Variants in RHOBTB1 observed in about 807,000 individuals in gnomAD.
RHOBTB1 encodes Rho related BTB domain containing 1.
Under a neutral mutation model 71.6 loss-of-function variants are expected in RHOBTB1, and 40 were observed. The observed-to-expected ratio is 0.56, with a 90% CI of 0.43 to 0.73. RHOBTB1 has a LOEUF of 0.73. Among genes scored for constraint, RHOBTB1 ranks in the 30% least tolerant of loss-of-function variants. The pLI, the probability that RHOBTB1 is intolerant of heterozygous loss-of-function variation, is 0.00. For synonymous variants in RHOBTB1, 319 were observed against 334.9 expected, an observed-to-expected ratio of 0.95 and a Z score of 0.52; for missense variants, 797 against 894.0, an observed-to-expected ratio of 0.89 and a Z score of 1.38.
intron 2 of RHOBTB1, among the ~76,000 whole-genome samples, chr10:60,920,954 TG>T (rs1300175832): frequency 1.5e-4 from 16 of 109,644 alleles, no homozygotes; most frequent in East Asian, 1.3e-3. Context: ...GTTTTTTTTT[TG>T]TTTTTTTTTT....
chr10:60,925,470 A>G (rs1472849375), intron 2 of RHOBTB1, among the ~76,000 whole-genome samples: 2 of 152,190 alleles, frequency 1.3e-5, no homozygotes, highest in Non-Finnish European at 2.9e-5. Context: ...AAATGCCTAT[A>G]TCGAAAAAGT....
chr10:60,894,040 T>A (rs1418435303), intron 4 of RHOBTB1, among the ~76,000 whole-genome samples: 1 of 152,220 alleles, frequency 6.6e-6, no homozygotes, highest in Non-Finnish European at 1.5e-5. Flanking sequence ...GTTAATTTAT[T>A]GCCATTGCCT....
chr10:60,991,373 C>T (rs375572903), intron 1 of RHOBTB1, among the ~76,000 whole-genome samples: 4 of 151,832 alleles, frequency 2.6e-5, no homozygotes, highest in African/African-American at 2.4e-5. Context: ...ATGACATCCC[C>T]AGACTTAAGC....
chr10:60,917,125 GCTA>G (rs1209210454), intron 2 of RHOBTB1, among the ~76,000 whole-genome samples: 5 of 152,190 alleles, frequency 3.3e-5, no homozygotes, highest in Non-Finnish European at 7.4e-5. Context: ...TTTGTTTTAT[GCTA>G]CTAAGTTTTG....
chr10:60,972,784 G>A (rs940282388), intron 2 of RHOBTB1, among the ~76,000 whole-genome samples: 2 of 152,012 alleles, frequency 1.3e-5, no homozygotes, highest in African/African-American at 2.4e-5. Flanking sequence ...GGATTAAATG[G>A]CAAGCTCAAG....
In RHOBTB1 at chr10:60,872,249, G is replaced by A. The variant is rs1462415528; in HGVS notation, c.1857C>T (p.His619=). The A allele has an allele frequency of 6.2e-7, 1 of 1,614,130 alleles. No homozygotes were observed. The highest frequency in any genetic ancestry group is 1.1e-5 in the South Asian group (1 of 91,080). ...AHQLAAWCLH[H]ICTNYNSVCS... ...ATACACTGTTGTAGTTGGTGCAGAT[G>A]TGGTGCAAACACCAGGCGGCCAACT... The change falls in exon 10 of 11, where the codon CAC becomes CAT. Residue 619 remains histidine, a synonymous_variant. Coordinates refer to ENST00000337910, the MANE Select transcript of RHOBTB1 (RefSeq NM_014836.5).
At chr10:60,916,667 A>G (rs1210096687) in intron 2 of RHOBTB1, among the ~76,000 whole-genome samples, 1 of 152,120 alleles carries the variant, frequency 6.6e-6, no homozygotes, top group African/African-American at 2.4e-5. Flanking sequence ...AGTCGCCCTC[A>G]ATTTCTTGCA....
At chr10:60,925,231 C>A (rs1366392392) in intron 2 of RHOBTB1, among the ~76,000 whole-genome samples, 2 of 152,172 alleles carry the variant, frequency 1.3e-5, no homozygotes, top group Non-Finnish European at 2.9e-5. Flanking sequence ...GTAAAGACTG[C>A]AAAACCATGA....
At chr10:60,999,238 T>C (rs1199344321) in intron 1 of RHOBTB1, among the ~76,000 whole-genome samples, 1 of 152,038 alleles carries the variant, frequency 6.6e-6, no homozygotes, top group Non-Finnish European at 1.5e-5. Context: ...CGCATCCAAA[T>C]TTTAGTGAAG....
intron 4 of RHOBTB1, among the ~76,000 whole-genome samples, chr10:60,909,804 ACTCT>A (rs1287917531): frequency 6.6e-6 from 1 of 152,230 alleles, no homozygotes; most frequent in South Asian, 2.1e-4. Context: ...TGCTTCCATA[ACTCT>A]CTGAGTCCCC....
At chr10:60,876,717 A>C (rs2081070195) in intron 8 of RHOBTB1, among the ~76,000 whole-genome samples, 1 of 152,218 alleles carries the variant, frequency 6.6e-6, no homozygotes, top group Admixed American at 6.5e-5. Context: ...AACAGTTTTT[A>C]AAAATAAATC....
chr10:60,909,074 G>A (rs1204712834), intron 4 of RHOBTB1, among the ~76,000 whole-genome samples: 1 of 152,158 alleles, frequency 6.6e-6, no homozygotes, highest in Non-Finnish European at 1.5e-5. Context: ...GCTTATTTTT[G>A]TTGGGAGGGA....
downstream of RHOBTB1, among the ~76,000 whole-genome samples, chr10:60,866,033 T>C (rs111798575): frequency 0.046 from 7,008 of 152,178 alleles, 293 homozygotes; most frequent in African/African-American, 0.12. Flanking sequence ...GGTTTCACCA[T>C]GTTGGCCAGG....
chr10:60,973,324 A>T (rs1424898831), intron 2 of RHOBTB1, among the ~76,000 whole-genome samples: 1 of 152,120 alleles, frequency 6.6e-6, no homozygotes, highest in South Asian at 2.1e-4. Context: ...CTAGGAGATC[A>T]TCAGGGGGTC....
rs2080680925 is a variant in RHOBTB1, at chr10:60,869,485, A to C, written c.*1997T>G. Reference sequence around the variant, plus strand: ...TGGCTTTTTGTGAAATAAAAAACACACAACAAACCACCATGGTTAAAGGCC... The same window carrying C: ...TGGCTTTTTGTGAAATAAAAAACACCCAACAAACCACCATGGTTAAAGGCC... On this transcript the variant is annotated 3_prime_UTR_variant, in exon 11 of 11. Transcript: ENST00000337910. The C allele has an allele frequency of 6.5e-6, 1 of 152,682 alleles. No homozygotes were observed. The highest frequency in any genetic ancestry group is 1.5e-5 in the Non-Finnish European group (1 of 68,046). 9.5% of individuals were successfully genotyped at this position (152,682 alleles called of 1,614,324 possible).
At chr10:60,982,954 G>A (rs558116365) in intron 2 of RHOBTB1, among the ~76,000 whole-genome samples, 1 of 152,108 alleles carries the variant, frequency 6.6e-6, no homozygotes, top group South Asian at 2.1e-4. Flanking sequence ...CATGACATAA[G>A]GCACAGAACT....
intron 2 of RHOBTB1, among the ~76,000 whole-genome samples, chr10:60,970,819 T>C (rs2086128409): frequency 6.6e-6 from 1 of 152,070 alleles, no homozygotes; most frequent in Non-Finnish European, 1.5e-5. Context: ...TCATTCTGTA[T>C]CATCTAAACT....
rs2080751749 is a variant in RHOBTB1, at chr10:60,870,957, G to A, written c.*525C>T. On this transcript the variant is annotated 3_prime_UTR_variant, in exon 11 of 11. Transcript: ENST00000337910. ...AAACACTCTCCAATTTGCACTTTGGGAGATTTCAGTCCCCTCCTTCCTTTC... is the reference window on the plus strand; with the variant it reads ...AAACACTCTCCAATTTGCACTTTGGAAGATTTCAGTCCCCTCCTTCCTTTC... The A allele has an allele frequency of 6.6e-6, 1 of 152,578 alleles. No individual in the cohort carries two copies. Among genetic ancestry groups the A allele is most frequent in the South Asian group, 2.1e-4 (1 of 4,822 alleles). 9.5% of individuals were successfully genotyped at this position (152,578 alleles called of 1,614,324 possible). A position where few individuals can be genotyped will look rare whatever the true frequency, so the allele number is the denominator to read the frequency against.
Position 60,869,833 on chromosome 10 carries a change from T to C in RHOBTB1, c.*1649A>G, listed in dbSNP as rs1036231879. 1 of 152,646 alleles carries C rather than the reference T, an allele frequency of 6.6e-6. No individual in the cohort carries two copies. The highest frequency in any genetic ancestry group is 1.5e-5 in the Non-Finnish European group (1 of 68,046). The allele number at this position is 152,646 out of a possible 1,614,324, so 9.5% of individuals were successfully genotyped here. A position where few individuals can be genotyped will look rare whatever the true frequency, so the allele number is the denominator to read the frequency against. ...ATCCCTACTCTACTGCCTTCTCTTT[T>C]GTCATGACAAGGTGATGCATTTCTG... On this transcript the variant is annotated 3_prime_UTR_variant, in exon 11 of 11. Coordinates refer to ENST00000337910, the MANE Select transcript of RHOBTB1 (RefSeq NM_014836.5).
Sources: gnomAD v4.1 joint callset for allele counts (sites outside exome capture counted in the v4.1 genomes callset) on GRCh38, gnomAD v4.1.1 for gene constraint, MANE v1.5 for transcripts, NCBI Gene and HGNC (gene_info 2026-07-23, HGNC 2026-07-21) for gene names.